NBAS: variants seen among roughly 807,000 people sequenced by gnomAD.
NBAS encodes the protein NAG/BC035112 fusion.
Under a neutral mutation model 302.5 loss-of-function variants are expected in NBAS, and 219 were observed. The observed-to-expected ratio is 0.72, with a 90% CI of 0.65 to 0.81. The LOEUF (loss-of-function observed/expected upper bound fraction) is 0.81, where lower values mean the gene tolerates loss of function less well. NBAS is among the 30% of genes least tolerant of loss of function. The pLI is 0.00. For synonymous variants in NBAS, 1,118 were observed against 1,021.6 expected (o/e 1.09, Z -1.80); for missense variants, 2,932 against 2,841.6 (o/e 1.03, Z -0.72).
intron 30 of NBAS, among the ~76,000 whole-genome samples, chr2:15,377,054 A>T (rs1384207217): frequency 6.6e-6 from 1 of 152,206 alleles, no homozygotes; most frequent in Non-Finnish European, 1.5e-5. Flanking sequence ...GAAAAGACAG[A>T]AATTGTAAAA....
At chr2:15,072,084 A>G in the NBAS span, among the ~76,000 whole-genome samples, 2 of 152,224 alleles carry the variant, frequency 1.3e-5, no homozygotes, top group Admixed American at 6.5e-5. Context: ...TTGAAGAATT[A>G]TCTATTTTAA....
At chr2:14,787,623 T>C in the NBAS span, among the ~76,000 whole-genome samples, 1 of 152,224 alleles carries the variant, frequency 6.6e-6, no homozygotes, top group Non-Finnish European at 1.5e-5. Flanking sequence ...TGAAAATTCT[T>C]TTCTTTATGA....
chr2:15,059,843 C>T, the NBAS span, among the ~76,000 whole-genome samples: 23 of 151,724 alleles, frequency 1.5e-4, no homozygotes, highest in Middle Eastern at 3.4e-3. Flanking sequence ...TAAAGAAAAC[C>T]TTTCCAGCAA....
At chr2:15,337,289 T>G (rs1157656039) in intron 35 of NBAS, among the ~76,000 whole-genome samples, 2 of 152,018 alleles carry the variant, frequency 1.3e-5, no homozygotes, top group Non-Finnish European at 2.9e-5. Context: ...CACTCCAGCC[T>G]GGAGGACTCA....
At chr2:14,832,971 CT>C in the NBAS span, among the ~76,000 whole-genome samples, 4 of 152,128 alleles carry the variant, frequency 2.6e-5, no homozygotes, top group Non-Finnish European at 4.4e-5. Context: ...GAAGAAGAGA[CT>C]GAAATGCAGG....
At chr2:14,799,601 G>A in the NBAS span, among the ~76,000 whole-genome samples, 1 of 152,064 alleles carries the variant, frequency 6.6e-6, no homozygotes, top group African/African-American at 2.4e-5. Context: ...GCTTAATTGA[G>A]TAGTCTATAT....
In NBAS at chr2:15,539,859, C is replaced by T. The variant is rs201285325; in HGVS notation, c.380-503G>A. On this transcript the variant is annotated intron_variant, in intron 6 of 51. Transcript: ENST00000281513. ...AAGGGGGGAAATATATATATATATA[C>T]ACACACACACACACTCACACACATA... Among the ~76,000 whole-genome samples, 29 of 148,608 alleles carry T rather than the reference C, an allele frequency of 2.0e-4. 3 individuals are homozygous for T. The highest frequency in any genetic ancestry group is 1.2e-3 in the East Asian group (6 of 5,156).
chr2:14,796,809 A>G, the NBAS span, among the ~76,000 whole-genome samples: 2 of 151,444 alleles, frequency 1.3e-5, no homozygotes, highest in East Asian at 1.9e-4. Context: ...TGCCTTTTCC[A>G]TGGCTACCTA....
chr2:15,366,547 C>T, intron 32 of NBAS, 33 bp downstream of exon 32: 1 of 1,546,122 alleles, frequency 6.5e-7, no homozygotes, highest in Non-Finnish European at 8.9e-7. Flanking sequence ...ACATAGAAAG[C>T]TTATTCTGCA....
Position 15,276,926 on chromosome 2 carries a change from C to A in NBAS, c.5314G>T (p.Ala1772Ser), listed in dbSNP as rs760561356. 3.1e-6 allele frequency: 5 copies of A among 1,614,054 alleles called. No individual in the cohort carries two copies. In the Admixed American group the frequency reaches 6.7e-5, roughly 22 times the overall value. ...TTAATGGCACAGTTCCCCAAATCTGCACAGCCACAGTTTTCCAGAAGAGTG... is the reference window on the plus strand; with the variant it reads ...TTAATGGCACAGTTCCCCAAATCTGAACAGCCACAGTTTTCCAGAAGAGTG... ...YFTLLENCGC[A>S]DLGNCAIKPE... The change falls in exon 43 of 52, where the codon GCA (alanine) becomes TCA (serine). Residue 1772 changes from alanine to serine, a missense_variant. Coordinates refer to ENST00000281513, the MANE Select transcript of NBAS (RefSeq NM_015909.4).
Position 15,474,189 on chromosome 2 carries a change from G to C in NBAS, c.1477C>G (p.Leu493Val). Residue 493 changes from leucine (L) to valine (V), a missense_variant, in exon 15 of 52, where the codon CTT becomes GTT. Coordinates refer to ENST00000281513, the MANE Select transcript of NBAS (RefSeq NM_015909.4). Reference protein sequence around the residue: ...ARYFGYIKQGLYLVTEMERFA... With the variant: ...ARYFGYIKQGVYLVTEMERFA... The stretch of plus-strand genomic sequence containing the variant: ...CGCTCCATTTCAGTCACCAAGTAAA[G>C]GCCCTGTTTTATATAACCAAAGTAG... 6.2e-7 allele frequency: 1 copy of C among 1,614,092 alleles called. No homozygotes were observed. The highest frequency in any genetic ancestry group is 8.5e-7 in the Non-Finnish European group (1 of 1,180,010).
the NBAS span, among the ~76,000 whole-genome samples, chr2:15,025,178 C>T: frequency 6.6e-6 from 1 of 152,018 alleles, no homozygotes; most frequent in Admixed American, 6.6e-5. Context: ...CAATCTTCTG[C>T]GTATAGCTAG....
intron 7 of NBAS, among the ~76,000 whole-genome samples, chr2:15,537,132 C>T (rs568685340): frequency 6.6e-6 from 1 of 152,276 alleles, no homozygotes; most frequent in East Asian, 1.9e-4. Flanking sequence ...TTCGAATATG[C>T]CGACCCAAAA....
At chr2:15,439,011 C>T (rs1678183432) in intron 21 of NBAS, among the ~76,000 whole-genome samples, 1 of 152,070 alleles carries the variant, frequency 6.6e-6, no homozygotes, top group Admixed American at 6.6e-5. Context: ...AAGAATATTA[C>T]CCGGCCGGGC....
chr2:15,272,236 C>T (rs971280573), intron 44 of NBAS, among the ~76,000 whole-genome samples: 3 of 152,094 alleles, frequency 2.0e-5, no homozygotes, highest in Non-Finnish European at 4.4e-5. Context: ...GTTATGCACT[C>T]GAGAATTAGC....
At chr2:15,496,867 T>G (rs1376679959) in intron 11 of NBAS, among the ~76,000 whole-genome samples, 1 of 152,172 alleles carries the variant, frequency 6.6e-6, no homozygotes. Context: ...ATTACAAACT[T>G]TGATTACTGC....
chr2:15,152,540 T>C, the NBAS span, among the ~76,000 whole-genome samples: 1 of 152,240 alleles, frequency 6.6e-6, no homozygotes, highest in East Asian at 1.9e-4. Flanking sequence ...GGGTGCTAAC[T>C]GATCAGACCA....
chr2:14,962,558 C>T, the NBAS span, among the ~76,000 whole-genome samples: 2 of 152,032 alleles, frequency 1.3e-5, no homozygotes, highest in African/African-American at 4.8e-5. Context: ...TTGTTCTTCC[C>T]CTTTTCACAG....
At chr2:15,021,992 T>C in the NBAS span, among the ~76,000 whole-genome samples, 37 of 152,306 alleles carry the variant, frequency 2.4e-4, no homozygotes, top group East Asian at 4.1e-3. Context: ...GGAACATGTC[T>C]ACAACTGCTC....
Sources: allele counts gnomAD v4.1 joint callset (sites outside exome capture counted in the v4.1 genomes callset), GRCh38; gene constraint gnomAD v4.1.1; transcripts MANE v1.5; gene names NCBI Gene and HGNC (gene_info 2026-07-23, HGNC 2026-07-21).